The following USP42 variants were observed in gnomAD, a reference collection of about 807,000 sequenced individuals.
USP42 encodes the protein ubiquitin specific peptidase 42, also known as ubiquitin carboxyl-terminal hydrolase 42.
Under a neutral mutation model 113.0 loss-of-function variants are expected in USP42, and 23 were observed. The observed-to-expected ratio is 0.20, with a 90% CI of 0.15 to 0.29. USP42 has a LOEUF of 0.29. Among genes scored for constraint, USP42 ranks in the 10% least tolerant of loss-of-function variants. The pLI is 1.00. For missense variants in USP42, 2,174 were observed against 1,779.8 expected, an observed-to-expected ratio of 1.22 and a Z score of -3.99; for synonymous variants, 933 against 699.0, an observed-to-expected ratio of 1.33 and a Z score of -5.28.
chr7:6,087,044 TC>T, the USP42 span, among the ~76,000 whole-genome samples: 28,449 of 143,822 alleles, frequency 0.2, 3,460 homozygotes, highest in Non-Finnish European at 0.26. Context: ...CTTTTTTTTT[TC>T]TTTTGAGACA....
intron 3 of USP42, among the ~76,000 whole-genome samples, chr7:6,135,559 G>A (rs113046580): frequency 1.7e-4 from 24 of 142,776 alleles, no homozygotes; most frequent in African/African-American, 6.1e-4. Context: ...GCTGAGGCAG[G>A]CAAATGGCTT....
the USP42 span, among the ~76,000 whole-genome samples, chr7:6,095,913 C>A: frequency 6.6e-6 from 1 of 150,608 alleles, no homozygotes; most frequent in Non-Finnish European, 1.5e-5. Context: ...CAGGTGCCAC[C>A]ATACTTGGCT....
Position 6,139,170 on chromosome 7 carries a change from A to G in USP42, c.632A>G (p.Lys211Arg), listed in dbSNP as rs1781316555. 2 of 1,607,568 alleles carry G rather than the reference A, an allele frequency of 1.2e-6. No homozygotes were observed. The highest frequency in any genetic ancestry group is 4.5e-5 in the East Asian group (2 of 44,780). ...CAATACACTGTTGATGCTATGCAGA[A>G]AGCATGCTTGAATGGCAGCAATAAG... ...FLQYTVDAMQ[K>R]ACLNGSNKLD... Residue 211 changes from lysine (K) to arginine (R), a missense_variant, in exon 5 of 18, where the codon AAA becomes AGA. Transcript: ENST00000306177. This position sits in a 1 kb window ranked among gnomAD's most constrained non-coding sequence, Gnocchi z 4.5.
rs767271007 is a variant in USP42, at chr7:6,147,735, C to A, written c.1233-4C>A. 3 of 1,573,388 alleles carry A rather than the reference C, an allele frequency of 1.9e-6. No homozygotes were observed. Among genetic ancestry groups the A allele is most frequent in the African/African-American group, 2.7e-5 (2 of 73,906 alleles). On this transcript the variant is annotated splice_polypyrimidine_tract_variant and splice_region_variant and intron_variant, in intron 11 of 17. Coordinates refer to ENST00000306177, the MANE Select transcript of USP42 (RefSeq NM_032172.3). ...ACCCTAAGTATCGCTCTCCTTGTTT[C>A]CAGGTCCCATGATGTGAAAAATGGA...
chr7:6,159,544 G>A lies in USP42; in HGVS notation c.*36+51G>A. On this transcript the variant is annotated intron_variant, in intron 17 of 17. Coordinates refer to ENST00000306177, the MANE Select transcript of USP42 (RefSeq NM_032172.3). The surrounding 1 kb of genome is among the most constrained non-coding windows in gnomAD (Gnocchi z 4.1). ...TCATTGTTTGTGGTGGCGCTGAGGG[G>A]ACGCAGGCAGAGGAGTTTTAATTCT... 2 of 1,551,866 alleles carry A rather than the reference G, an allele frequency of 1.3e-6. No homozygotes were observed. Among genetic ancestry groups the A allele is most frequent in the Non-Finnish European group, 1.8e-6 (2 of 1,125,482 alleles).
chr7:6,156,009 G>A (rs1782428464), intron 15 of USP42, among the ~76,000 whole-genome samples: 1 of 152,136 alleles, frequency 6.6e-6, no homozygotes, highest in Admixed American at 6.5e-5. Context: ...CCAAAGCACT[G>A]GGATCACAGG....
chr7:6,145,877 C>T (rs1781690134), intron 10 of USP42, among the ~76,000 whole-genome samples: 1 of 152,160 alleles, frequency 6.6e-6, no homozygotes, highest in Non-Finnish European at 1.5e-5. Flanking sequence ...CAAGACCAAC[C>T]TGGCCAACAG....
rs866280525 is a variant in USP42 at position 6,155,074 on chromosome 7, G to C, written c.3520G>C (p.Val1174Leu). The C allele has an allele frequency of 6.4e-7, 1 of 1,563,320 alleles. No homozygotes were observed. Among genetic ancestry groups the C allele is most frequent in the South Asian group, 1.2e-5 (1 of 84,580 alleles). The change falls in exon 15 of 18, where the codon GTT becomes CTT. Residue 1174 changes from valine (V) to leucine (L), a missense_variant. Transcript: ENST00000306177. ...CAGTGTGGAGAACAGTGACAGTCAT[G>C]TTGAAAAGAAAGCCCGGAGGAGCGA... ...HDSVENSDSH[V>L]EKKARRSEQK...
rs375651984 is a variant in USP42 at position 6,156,812 on chromosome 7, A to C, written c.3700A>C (p.Lys1234Gln). Residue 1234 changes from lysine (K) to glutamine (Q), a missense_variant, in exon 16 of 18, where the codon AAA (lysine) becomes CAA (glutamine). Lys to Gln is a moderately conservative substitution (Grantham distance 53, BLOSUM62 1). Transcript: ENST00000306177. ...CTCTGACGCTGACCTCCACAGACAC[A>C]AAAAAAAGAAGAAGAAAAAGAAGAG... is the stretch of plus-strand genomic sequence containing the variant. ...ACSDADLHRHKKKKKKKKRHS... is the reference protein window; with the variant it reads ...ACSDADLHRHQKKKKKKKRHS... The C allele has an allele frequency of 8.1e-6, 13 of 1,600,718 alleles. No homozygotes were observed. Among genetic ancestry groups the C allele is most frequent in the Non-Finnish European group, 1.0e-5 (12 of 1,175,132 alleles).
chr7:6,144,038 T>C (rs1312834818), intron 8 of USP42, 47 bp from the exon 9 acceptor site: 3 of 1,212,150 alleles, frequency 2.5e-6, no homozygotes, highest in Non-Finnish European at 3.4e-6. Context: ...CCACAAATTG[T>C]GTGTATATAT....
chr7:6,098,972 C>A, the USP42 span, among the ~76,000 whole-genome samples: 1 of 150,110 alleles, frequency 6.7e-6, no homozygotes, highest in Non-Finnish European at 1.5e-5. Flanking sequence ...AGAGTCCTGT[C>A]CTTTGTCTCA....
chr7:6,140,930 C>A lies in USP42; in HGVS notation c.741C>A (p.Cys247Ter). 6.4e-7 allele frequency: 1 copy of A among 1,559,500 alleles called. No individual in the cohort carries two copies. The highest frequency in any genetic ancestry group is 8.7e-7 in the Non-Finnish European group (1 of 1,145,746). ...TTATTTCAGTCAAATGTTTAAATTGCAAGGGCGTTTCAGATACTTTTGATC... is the reference window on the plus strand; with the variant it reads ...TTATTTCAGTCAAATGTTTAAATTGAAAGGGCGTTTCAGATACTTTTGATC... ...YLRSRVKCLN[C>*]KGVSDTFDPY... The change falls in exon 7 of 18, where the codon TGC (cysteine) becomes TGA (stop). Residue 247 changes from cysteine to a stop codon, truncating the protein, a stop_gained. Coordinates refer to ENST00000306177, the MANE Select transcript of USP42 (RefSeq NM_032172.3). LOFTEE classifies it high-confidence loss of function.
At chr7:6,130,395 C>G (rs1440585122) in intron 3 of USP42, among the ~76,000 whole-genome samples, 2 of 152,204 alleles carry the variant, frequency 1.3e-5, no homozygotes, top group Admixed American at 1.3e-4. Context: ...GGTTTTGTTA[C>G]CACTGAGTGA....
chr7:6,104,641 G>C (rs547297913), upstream of USP42, among the ~76,000 whole-genome samples: 1 of 152,160 alleles, frequency 6.6e-6, no homozygotes, highest in African/African-American at 2.4e-5. Flanking sequence ...GGGAAGCACA[G>C]GGCGGAAGGA....
chr7:6,153,507 GTATT>G (rs1378901765), intron 14 of USP42, among the ~76,000 whole-genome samples: 2 of 152,164 alleles, frequency 1.3e-5, no homozygotes, highest in Non-Finnish European at 2.9e-5. Context: ...TCGGCGAGAT[GTATT>G]TAAAGAGACG....
intron 3 of USP42, among the ~76,000 whole-genome samples, chr7:6,123,466 A>G (rs1328155581): frequency 6.6e-6 from 1 of 152,152 alleles, no homozygotes; most frequent in African/African-American, 2.4e-5. Context: ...GATCGAGACC[A>G]TCCTGGCTAA....
chr7:6,081,862 G>C, the USP42 span: 1 of 152,068 alleles, frequency 6.6e-6, no homozygotes, highest in Non-Finnish European at 1.5e-5. Context: ...TACCAGCTGA[G>C]TTTCCTGACT....
the USP42 span, among the ~76,000 whole-genome samples, chr7:6,082,198 G>A: frequency 2.0e-5 from 3 of 151,314 alleles, no homozygotes; most frequent in African/African-American, 4.9e-5. Flanking sequence ...GCGCGATCTC[G>A]GCTCACTGCA....
the USP42 span, among the ~76,000 whole-genome samples, chr7:6,090,118 G>T: frequency 6.8e-6 from 1 of 147,644 alleles, no homozygotes; most frequent in Admixed American, 6.7e-5. Flanking sequence ...TGACCAACAT[G>T]GAGAAACCCC....
Sources: gnomAD v4.1 joint callset for allele counts (sites outside exome capture counted in the v4.1 genomes callset) on GRCh38, gnomAD v4.1.1 for gene constraint, Gnocchi (gnomAD v3.1) non-coding constraint, MANE v1.5 for transcripts, NCBI Gene and HGNC (gene_info 2026-07-23, HGNC 2026-07-21) for gene names.